REC114: variants seen among roughly 807,000 people sequenced by gnomAD.
The protein encoded by REC114 is REC114 meiotic recombination protein, also known as meiotic recombination protein REC114.
REC114 carries 27 observed loss-of-function variants against 31.3 expected under a neutral mutation model. The observed-to-expected ratio is 0.86, with a 90% CI of 0.64 to 1.19. The LOEUF is 1.19. REC114 is among the 50% of genes most tolerant of loss of function. The pLI is 0.00. For missense variants in REC114, 344 were observed against 326.9 expected (o/e 1.05, Z -0.40); for synonymous variants, 134 against 127.7 (o/e 1.05, Z -0.33).
intron 2 of REC114, among the ~76,000 whole-genome samples, chr15:73,532,461 T>G (rs1016574533): frequency 6.6e-6 from 1 of 151,270 alleles, no homozygotes; most frequent in African/African-American, 2.4e-5. Flanking sequence ...GCATGTGTCT[T>G]TATAGCAGCA....
intron 2 of REC114, among the ~76,000 whole-genome samples, chr15:73,535,887 C>A (rs368437680): frequency 0.01 from 1,545 of 151,484 alleles, 9 homozygotes; most frequent in Middle Eastern, 0.017. Flanking sequence ...CTACAACTAT[C>A]TGATCTTTGA....
At chr15:73,443,390 A>C in intron 1 of REC114, 46 bp downstream of exon 1, 1 of 1,519,484 alleles carries the variant, frequency 6.6e-7, no homozygotes, top group Non-Finnish European at 8.8e-7. Context: ...CACAGCCCTC[A>C]GGAGGGGAGG....
intron 2 of REC114, among the ~76,000 whole-genome samples, chr15:73,496,470 T>C (rs1038417143): frequency 3.3e-5 from 5 of 149,338 alleles, no homozygotes; most frequent in East Asian, 3.9e-4. Context: ...CTGGCCAACA[T>C]GGCAAAACCT....
Position 73,443,404 on chromosome 15 carries a change from C to T in REC114, c.159+60C>T, listed in dbSNP as rs945673676. On this transcript the variant is annotated intron_variant, in intron 1 of 5. Transcript: ENST00000331090. ...CCACAGCCCTCAGGAGGGGAGGCTCCGCGAATACACTGGGCCAGTGCCCCG... is the reference window on the plus strand; with the variant it reads ...CCACAGCCCTCAGGAGGGGAGGCTCTGCGAATACACTGGGCCAGTGCCCCG... 5.4e-6 allele frequency: 8 copies of T among 1,488,930 alleles called. No individual in the cohort carries two copies. The Admixed American group carries it at 1.1e-4, about 21-fold the overall frequency. The allele number at this position is 1,488,930 out of a possible 1,614,324, so 92.2% of individuals were successfully genotyped here.
chr15:73,551,387 G>C (rs1021131198), intron 4 of REC114, among the ~76,000 whole-genome samples: 9 of 152,154 alleles, frequency 5.9e-5, no homozygotes, highest in Non-Finnish European at 1.0e-4. Flanking sequence ...TTCTCAAAGT[G>C]TGGTCCACGA....
intron 3 of REC114, 143 bp from the exon 4 acceptor site, chr15:73,550,795 T>C: frequency 1.4e-6 from 1 of 717,594 alleles, no homozygotes; most frequent in Non-Finnish European, 2.3e-6. Flanking sequence ...GGCTTTTCTA[T>C]GCCTGCATCA....
At chr15:73,443,686 T>G (rs1295566132) in intron 1 of REC114, among the ~76,000 whole-genome samples, 1 of 152,200 alleles carries the variant, frequency 6.6e-6, no homozygotes, top group African/African-American at 2.4e-5. Flanking sequence ...CCCACCCTTA[T>G]TGATGTTTTT....
chr15:73,524,482 A>G (rs1387816564), intron 2 of REC114, among the ~76,000 whole-genome samples: 4 of 152,224 alleles, frequency 2.6e-5, no homozygotes, highest in African/African-American at 7.2e-5. Flanking sequence ...AGATATCTCA[A>G]TTGGTTCAGC....
At chr15:73,515,196 G>T (rs1262306586) in intron 2 of REC114, among the ~76,000 whole-genome samples, 1 of 152,142 alleles carries the variant, frequency 6.6e-6, no homozygotes, top group Non-Finnish European at 1.5e-5. Context: ...CTCCCAAAGT[G>T]CTGGGATTAC....
chr15:73,498,247 C>T (rs1893555694), intron 2 of REC114, among the ~76,000 whole-genome samples: 1 of 151,622 alleles, frequency 6.6e-6, no homozygotes, highest in Admixed American at 6.6e-5. Context: ...ACTTTTTCCT[C>T]ATTAAATTTC....
intron 2 of REC114, among the ~76,000 whole-genome samples, chr15:73,519,817 C>A (rs1417936830): frequency 6.6e-6 from 1 of 152,214 alleles, no homozygotes; most frequent in Non-Finnish European, 1.5e-5. Flanking sequence ...GCTGTCCTGT[C>A]ATGCTACATA....
chr15:73,518,146 A>G (rs529600788), intron 2 of REC114, among the ~76,000 whole-genome samples: 23 of 152,386 alleles, frequency 1.5e-4, no homozygotes, highest in African/African-American at 5.5e-4. Context: ...ATGAGCAGTT[A>G]AAGAAATGAA....
At chr15:73,559,338 T>C (rs189891056) in intron 5 of REC114, among the ~76,000 whole-genome samples, 1 of 152,332 alleles carries the variant, frequency 6.6e-6, no homozygotes, top group East Asian at 1.9e-4. Flanking sequence ...TAGCACATAG[T>C]AGGCTGCTCA....
chr15:73,445,275 G>T (rs997556489), intron 1 of REC114, among the ~76,000 whole-genome samples: 2 of 152,134 alleles, frequency 1.3e-5, no homozygotes, highest in African/African-American at 4.8e-5. Flanking sequence ...GTCCTAGATG[G>T]CCTCTTCTTC....
chr15:73,555,089 TTTG>T (rs905294868), intron 4 of REC114, among the ~76,000 whole-genome samples: 3 of 152,174 alleles, frequency 2.0e-5, no homozygotes, highest in African/African-American at 4.8e-5. Context: ...ACCCCTCTTT[TTTG>T]TTGTTGTTTG....
Position 73,476,103 on chromosome 15 carries a change from A to G in REC114, c.249+2182A>G, listed in dbSNP as rs555453261. Among the ~76,000 whole-genome samples the G allele has an allele frequency of 7.1e-4, 108 of 152,332 alleles. No homozygotes were observed. The South Asian group carries it at 0.022, about 31-fold the overall frequency. On this transcript the variant is annotated intron_variant, in intron 2 of 5. Transcript: ENST00000331090. Reference sequence around the variant, plus strand: ...ATCGAGGTTTGCATAAGTGTACTCTATGATAGTCACACAATGACAAGATCA... The same window carrying G: ...ATCGAGGTTTGCATAAGTGTACTCTGTGATAGTCACACAATGACAAGATCA...
At chr15:73,480,770 T>C (rs1893283511) in intron 2 of REC114, among the ~76,000 whole-genome samples, 1 of 152,160 alleles carries the variant, frequency 6.6e-6, no homozygotes, top group Admixed American at 6.5e-5. Context: ...CTCCGCCTCC[T>C]GGGTTCAAGC....
chr15:73,525,858 G>C (rs1893999421), intron 2 of REC114, among the ~76,000 whole-genome samples: 1 of 148,914 alleles, frequency 6.7e-6, no homozygotes, highest in Non-Finnish European at 1.5e-5. Flanking sequence ...CAAGTAGGTT[G>C]ATTGTGTTAA....
intron 2 of REC114, among the ~76,000 whole-genome samples, chr15:73,528,770 G>A (rs1894038223): frequency 6.6e-6 from 1 of 152,164 alleles, no homozygotes; most frequent in African/African-American, 2.4e-5. Flanking sequence ...AGTTGAGTAG[G>A]TGCAGGAGTC....
Sources: gnomAD v4.1 joint callset for allele counts (sites outside exome capture counted in the v4.1 genomes callset) on GRCh38, gnomAD v4.1.1 for gene constraint, MANE v1.5 for transcripts, NCBI Gene and HGNC (gene_info 2026-07-23, HGNC 2026-07-21) for gene names.